LINS1: variants seen among roughly 807,000 people sequenced by gnomAD.
LINS1 encodes lines homolog 1.
LINS1 carries 27 observed loss-of-function variants against 41.6 expected under a neutral mutation model. The ratio of observed to expected loss-of-function variants is 0.65; its 90% CI spans 0.48 to 0.89. The LOEUF (loss-of-function observed/expected upper bound fraction) is 0.89, where lower values mean the gene tolerates loss of function less well. LINS1 is among the 40% of genes least tolerant of loss of function. The pLI, the probability that LINS1 is intolerant of heterozygous loss-of-function variation, is 0.00. For missense variants in LINS1, 955 were observed against 884.1 expected (o/e 1.08, Z -1.02); for synonymous variants, 336 against 312.9 (o/e 1.07, Z -0.78).
intron 3 of LINS1, among the ~76,000 whole-genome samples, chr15:100,576,251 A>G (rs1485847177): frequency 6.6e-6 from 1 of 152,212 alleles, no homozygotes. Flanking sequence ...TTTTTTGAAA[A>G]GACCAACAAA....
In LINS1 at chr15:100,569,379, T is replaced by A. The variant is rs1596869264; in HGVS notation, c.2133A>T (p.Arg711Ser). Residue 711 changes from arginine (R) to serine (S), a missense_variant, in exon 7 of 7, where the codon AGA becomes AGT. By Grantham distance (110) the Arg-to-Ser change is moderately radical. Coordinates refer to ENST00000314742, the MANE Select transcript of LINS1 (RefSeq NM_001040616.3). ...GTAGTTCCTGGAAGCATTTTACTAT[T>A]CTGTAAAATATTCCCACTTCAGAGA... The part of the protein sequence containing the change: ...DVVSEVGIFY[R>S]IVKCFQELQD... 6.2e-7 allele frequency: 1 copy of A among 1,614,150 alleles called. No homozygotes were observed. The highest frequency in any genetic ancestry group is 8.5e-7 in the Non-Finnish European group (1 of 1,180,010).
At chr15:100,572,338 G>T in intron 5 of LINS1, 1 of 1,221,696 alleles carries the variant, frequency 8.2e-7, no homozygotes, top group South Asian at 1.8e-5. Context: ...CTGTCTCTTA[G>T]AAATAAAAGT....
intron 6 of LINS1, among the ~76,000 whole-genome samples, chr15:100,570,837 A>G (rs1285391211): frequency 6.6e-6 from 1 of 152,224 alleles, no homozygotes; most frequent in Non-Finnish European, 1.5e-5. Flanking sequence ...AAAAAATCTT[A>G]ACAAATACAA....
chr15:100,572,600 T>C (rs2037893079), intron 5 of LINS1: 2 of 993,040 alleles, frequency 2.0e-6, no homozygotes. Flanking sequence ...TCTAGTGTTA[T>C]AAATTAAAAC....
intron 1 of LINS1, among the ~76,000 whole-genome samples, chr15:100,585,484 T>C (rs1425976490): frequency 6.6e-6 from 1 of 152,218 alleles, no homozygotes; most frequent in African/African-American, 2.4e-5. Context: ...TTGGACCCAG[T>C]GTCCTTTGGA....
At chr15:100,591,333 A>T (rs963658339) in intron 1 of LINS1, among the ~76,000 whole-genome samples, 1 of 152,260 alleles carries the variant, frequency 6.6e-6, no homozygotes, top group African/African-American at 2.4e-5. Context: ...GAACATGAGG[A>T]CACCATAACC....
At chr15:100,600,429 G>A (rs1032298211) in intron 1 of LINS1, among the ~76,000 whole-genome samples, 4 of 151,854 alleles carry the variant, frequency 2.6e-5, no homozygotes, top group African/African-American at 9.7e-5. Context: ...GATTTGGCCT[G>A]GTCTGTTGGG....
Position 100,570,103 on chromosome 15 carries a change from G to C in LINS1, c.1409C>G (p.Thr470Ser). The stretch of plus-strand genomic sequence containing the variant: ...TTCTTTTCCCTGAGTCAAGCTTTCA[G>C]TGGCTTCACATCCTCTGAAAATGAA... ...YLTLTRGCEA[T>S]ESLTQGKEMW... The change falls in exon 7 of 7, where the codon ACT (threonine) becomes AGT (serine). Residue 470 changes from threonine to serine, a missense_variant. Thr to Ser is a moderately conservative substitution (Grantham distance 58, BLOSUM62 1). Coordinates refer to ENST00000314742, the MANE Select transcript of LINS1 (RefSeq NM_001040616.3). 2 of 1,587,168 alleles carry C rather than the reference G, an allele frequency of 1.3e-6. No homozygotes were observed.
At chr15:100,581,688 C>T (rs114032113) in intron 1 of LINS1, among the ~76,000 whole-genome samples, 171 of 152,328 alleles carry the variant, frequency 1.1e-3, no homozygotes, top group African/African-American at 3.9e-3. Flanking sequence ...CAATCTGACC[C>T]TGGGAAGGAG....
At chr15:100,586,425 A>G (rs2038804312) in intron 1 of LINS1, 1 of 152,350 alleles carries the variant, frequency 6.6e-6, no homozygotes, top group East Asian at 1.9e-4. Flanking sequence ...TGCTCATTTA[A>G]TATCTGGGTC....
Position 100,568,441 on chromosome 15 carries a change from ACAGACAC to A in LINS1, c.*790_*796del, listed in dbSNP as rs2037632905. Reference sequence around the variant, plus strand: ...TGTCCTTGTAGGAGGGAAACTGGACACAGACACAGGAAAATGCCATGTGAGGCAGGAA... The same window carrying A: ...TGTCCTTGTAGGAGGGAAACTGGACAAGGAAAATGCCATGTGAGGCAGGAA... On this transcript the variant is annotated 3_prime_UTR_variant, in exon 7 of 7. Coordinates refer to ENST00000314742, the MANE Select transcript of LINS1 (RefSeq NM_001040616.3). 6.6e-6 allele frequency: 1 copy of A among 152,288 alleles called. No individual in the cohort carries two copies. Among genetic ancestry groups the A allele is most frequent in the African/African-American group, 2.4e-5 (1 of 41,452 alleles). The allele number at this position is 152,288 out of a possible 1,614,324, so 9.4% of individuals were successfully genotyped here. A position where few individuals can be genotyped will look rare whatever the true frequency, so the allele number is the denominator to read the frequency against.
chr15:100,573,425 C>A, intron 5 of LINS1: 1 of 1,050,298 alleles, frequency 9.5e-7, no homozygotes, highest in Middle Eastern at 3.3e-4. Context: ...AAACCTAAAT[C>A]ATTCCTTATG....
At position 100,575,115 on chromosome 15, in the gene LINS1, T is replaced by G. The variant is rs774662041; in HGVS notation, c.503A>C (p.Asn168Thr). The change falls in exon 4 of 7, where the codon AAT (asparagine) becomes ACT (threonine). Residue 168 changes from asparagine (N) to threonine (T), a missense_variant. Transcript: ENST00000314742. ...TTTCTGGCAAAAAGCAATCCAGGAA[T>G]TACTTAAGGTTATCTACAAGTGAGA... Reference protein sequence around the residue: ...FQLREKITLSNSWIAFCQKNL... With the variant: ...FQLREKITLSTSWIAFCQKNL... The G allele has an allele frequency of 2.5e-6, 4 of 1,611,574 alleles. No homozygotes were observed. The South Asian group carries it at 4.4e-5, about 18-fold the overall frequency.
chr15:100,588,717 G>C (rs1273949039), intron 1 of LINS1, among the ~76,000 whole-genome samples: 1 of 152,170 alleles, frequency 6.6e-6, no homozygotes, highest in Non-Finnish European at 1.5e-5. Context: ...CTCTAGCTAT[G>C]CAAACAAGGT....
At chr15:100,599,939 G>T (rs1473754725) in intron 1 of LINS1, among the ~76,000 whole-genome samples, 4 of 152,074 alleles carry the variant, frequency 2.6e-5, no homozygotes, top group Non-Finnish European at 5.9e-5. Flanking sequence ...GGTGGAGTGT[G>T]TCTGTAGTCC....
At position 100,580,540 on chromosome 15, in the gene LINS1, G is replaced by T; in HGVS notation, c.303C>A (p.Thr101=). 1 of 1,613,874 alleles carries T rather than the reference G, an allele frequency of 6.2e-7. No homozygotes were observed. The highest frequency in any genetic ancestry group is 8.5e-7 in the Non-Finnish European group (1 of 1,179,888). ...ACTCGGTTTTGACAGACAATATCCG[G>T]GTTGTCATCACTTTGATCACTGTTA... ...LQLTVIKVMT[T]RILSVKTEFH... Residue 101 remains threonine (T), a synonymous_variant, in exon 2 of 7, where the codon ACC becomes ACA. Coordinates refer to ENST00000314742, the MANE Select transcript of LINS1 (RefSeq NM_001040616.3).
At chr15:100,586,112 A>G (rs556174574) in intron 1 of LINS1, 2 of 152,354 alleles carry the variant, frequency 1.3e-5, no homozygotes, top group African/African-American at 4.8e-5. Context: ...TCTGTGTCCC[A>G]TTTTATTCAA....
chr15:100,569,137 A>AG lies in LINS1; in HGVS notation c.*100_*101insC, dbSNP rs1397769330. On this transcript the variant is annotated 3_prime_UTR_variant, in exon 7 of 7. Coordinates refer to ENST00000314742, the MANE Select transcript of LINS1 (RefSeq NM_001040616.3). Reference sequence around the variant, plus strand: ...GATTCTGTCTCAAAAAAAAAAAAAAAAAAGAAAACCCTTTTATGGTGATGA... The same window carrying AG: ...GATTCTGTCTCAAAAAAAAAAAAAAAGAAAGAAAACCCTTTTATGGTGATGA... 57 of 808,382 alleles carry AG rather than the reference A, an allele frequency of 7.1e-5. No individual in the cohort carries two copies. The highest frequency in any genetic ancestry group is 1.0e-4 in the Non-Finnish European group (52 of 515,496). 50.1% of individuals were successfully genotyped at this position (808,382 alleles called of 1,614,324 possible).
At chr15:100,596,905 C>A (rs1440972223) in intron 1 of LINS1, 2 of 152,236 alleles carry the variant, frequency 1.3e-5, no homozygotes, top group Non-Finnish European at 2.9e-5. Context: ...CTCCCTGCCA[C>A]GTACCTGAAG....
Sources: allele counts gnomAD v4.1 joint callset (sites outside exome capture counted in the v4.1 genomes callset), GRCh38; gene constraint gnomAD v4.1.1; transcripts MANE v1.5; gene names NCBI Gene and HGNC (gene_info 2026-07-23, HGNC 2026-07-21).